The following ANGPT1 variants were observed in gnomAD, a reference collection of about 807,000 sequenced individuals.
ANGPT1 encodes the protein angiopoietin-1.
A neutral mutation model predicts 62.2 loss-of-function variants in ANGPT1; 17 were observed. That is an observed-to-expected ratio of 0.27 (90% CI 0.19 to 0.41). ANGPT1 has a LOEUF of 0.41. ANGPT1 is among the 10% of genes least tolerant of loss of function. ANGPT1 has a pLI of 1.00. For missense variants in ANGPT1, 478 were observed against 594.9 expected, an observed-to-expected ratio of 0.80 and a Z score of 2.04; for synonymous variants, 199 against 198.9, an observed-to-expected ratio of 1.00 and a Z score of 0.00.
At chr8:107,449,946 A>G (rs1316804133) in intron 1 of ANGPT1, among the ~76,000 whole-genome samples, 1 of 152,098 alleles carries the variant, frequency 6.6e-6, no homozygotes, top group Non-Finnish European at 1.5e-5. Context: ...TGTACTTACA[A>G]AGCTTAGAAG....
At chr8:107,423,347 T>C (rs973537723) in intron 1 of ANGPT1, among the ~76,000 whole-genome samples, 2 of 152,212 alleles carry the variant, frequency 1.3e-5, no homozygotes, top group African/African-American at 2.4e-5. Context: ...TGAGGACTTA[T>C]AGCTGTACCT....
chr8:107,416,695 T>G (rs1472556936), intron 1 of ANGPT1, among the ~76,000 whole-genome samples: 1 of 152,132 alleles, frequency 6.6e-6, no homozygotes, highest in African/African-American at 2.4e-5. Context: ...TCTGTTGAAG[T>G]TCTTCTTGGC....
chr8:107,284,638 G>A, intron 7 of ANGPT1, 44 bp downstream of exon 7: 1 of 1,351,560 alleles, frequency 7.4e-7, no homozygotes, highest in Non-Finnish European at 9.7e-7. Flanking sequence ...TTATTAAGTG[G>A]CTAGGTAAAA....
At chr8:107,286,200 T>G (rs1479327491) in intron 6 of ANGPT1, among the ~76,000 whole-genome samples, 1 of 152,168 alleles carries the variant, frequency 6.6e-6, no homozygotes, top group Non-Finnish European at 1.5e-5. Flanking sequence ...TCAAAGGTGT[T>G]TGGTACCAAA....
intron 1 of ANGPT1, among the ~76,000 whole-genome samples, chr8:107,373,699 G>C (rs2130251603): frequency 6.6e-6 from 1 of 152,296 alleles, no homozygotes; most frequent in African/African-American, 2.4e-5. Flanking sequence ...TAGCAAGTCT[G>C]ATGAACTGAA....
intron 1 of ANGPT1, among the ~76,000 whole-genome samples, chr8:107,475,612 G>A (rs966604568): frequency 8.5e-5 from 13 of 152,176 alleles, no homozygotes; most frequent in Admixed American, 7.9e-4. Flanking sequence ...AACAGCTTCT[G>A]CACAGCAAAA....
chr8:107,380,131 A>G (rs1035367387), intron 1 of ANGPT1, among the ~76,000 whole-genome samples: 1 of 109,964 alleles, frequency 9.1e-6, no homozygotes, highest in African/African-American at 3.1e-5. Context: ...AAAAATACAA[A>G]TAGAGGAAAA....
chr8:107,497,314 T>C lies in ANGPT1; in HGVS notation c.245A>G (p.Lys82Arg). The C allele has an allele frequency of 6.2e-7, 1 of 1,614,226 alleles. No homozygotes were observed. Among genetic ancestry groups the C allele is most frequent in the East Asian group, 2.2e-5 (1 of 44,890 alleles). The change falls in exon 1 of 9, where the codon AAA becomes AGA. Residue 82 changes from lysine (K) to arginine (R), a missense_variant. Lys to Arg is a conservative substitution (Grantham distance 26). This residue lies in a region of ANGPT1 where 343 missense variants were observed against 355.4 expected (regional missense o/e 0.97). Transcript: ENST00000517746. ...CATCACATGTTCCAGATGTTGAAGTTTCTGGGAAGAGAAATCCGGTTCCAC... is the reference window on the plus strand; with the variant it reads ...CATCACATGTTCCAGATGTTGAAGTCTCTGGGAAGAGAAATCCGGTTCCAC... Reference protein sequence around the residue: ...PHVEPDFSSQKLQHLEHVMEN... With the variant: ...PHVEPDFSSQRLQHLEHVMEN...
At chr8:107,283,943 A>G (rs1814076505) in intron 7 of ANGPT1, 1 of 152,252 alleles carries the variant, frequency 6.6e-6, no homozygotes, top group Non-Finnish European at 1.5e-5. Context: ...GTAGAATTCC[A>G]GGAACACAGA....
chr8:107,474,636 G>A (rs1037466335), intron 1 of ANGPT1, among the ~76,000 whole-genome samples: 4 of 152,186 alleles, frequency 2.6e-5, no homozygotes, highest in African/African-American at 7.2e-5. Flanking sequence ...GAAAAGAGAA[G>A]TCAAATTGTC....
chr8:107,495,438 G>A (rs901328863), intron 1 of ANGPT1, among the ~76,000 whole-genome samples: 43 of 152,184 alleles, frequency 2.8e-4, no homozygotes, highest in Non-Finnish European at 2.2e-4. Flanking sequence ...TATGAAACAC[G>A]TGCATGATTT....
At chr8:107,257,503 C>T (rs985354927) in intron 8 of ANGPT1, among the ~76,000 whole-genome samples, 1 of 152,170 alleles carries the variant, frequency 6.6e-6, no homozygotes, top group Non-Finnish European at 1.5e-5. Context: ...CAAAACACCT[C>T]TCAACACTTC....
At position 107,284,777 on chromosome 8, in the gene ANGPT1, C is replaced by G. The variant is rs200226727; in HGVS notation, c.1110G>C (p.Gln370His). ...CCATTAACTCAATTCTTAGCATGTA[C>G]TGCCTCTGACTGGTAATGGCAAAAA... Reference protein sequence around the residue: ...EFIFAITSQRQYMLRIELMDW... With the variant: ...EFIFAITSQRHYMLRIELMDW... The change falls in exon 7 of 9, where the codon CAG (glutamine) becomes CAC (histidine). Residue 370 changes from glutamine to histidine, a missense_variant. Transcript: ENST00000517746. 219 of 1,611,710 alleles carry G rather than the reference C, an allele frequency of 1.4e-4. 1 individual carries two copies. The Middle Eastern group carries it at 2.2e-3, about 16-fold the overall frequency.
chr8:107,404,787 A>G (rs1817115649), intron 1 of ANGPT1, among the ~76,000 whole-genome samples: 1 of 152,086 alleles, frequency 6.6e-6, no homozygotes, highest in Non-Finnish European at 1.5e-5. Flanking sequence ...CTCCAAAAAG[A>G]CTGTACCAAT....
intron 1 of ANGPT1, among the ~76,000 whole-genome samples, chr8:107,426,860 T>C (rs1440449271): frequency 6.6e-6 from 1 of 152,220 alleles, no homozygotes; most frequent in African/African-American, 2.4e-5. Flanking sequence ...CACTACTCTT[T>C]TTCAATATAG....
intron 1 of ANGPT1, among the ~76,000 whole-genome samples, chr8:107,456,838 C>T (rs986117053): frequency 6.6e-6 from 1 of 151,902 alleles, no homozygotes. Flanking sequence ...TCTTACTTTC[C>T]TAGGTACTTG....
chr8:107,275,541 G>T (rs1250234839), intron 7 of ANGPT1, among the ~76,000 whole-genome samples: 1 of 152,122 alleles, frequency 6.6e-6, no homozygotes, highest in Non-Finnish European at 1.5e-5. Context: ...GATTGTAAGT[G>T]AACTGACTGT....
At chr8:107,284,917 A>AT in intron 6 of ANGPT1, 69 bp from the exon 7 acceptor site, 1 of 1,174,942 alleles carries the variant, frequency 8.5e-7, no homozygotes. Flanking sequence ...GCATTTAACT[A>AT]TTTTCTAAAT....
At chr8:107,461,935 G>A (rs1812082398) in intron 1 of ANGPT1, among the ~76,000 whole-genome samples, 1 of 152,092 alleles carries the variant, frequency 6.6e-6, no homozygotes, top group African/African-American at 2.4e-5. Context: ...AGAAGTCCAG[G>A]AAGTGTCAGT....
Sources: gnomAD v4.1 joint callset for allele counts (sites outside exome capture counted in the v4.1 genomes callset) on GRCh38, gnomAD v4.1.1 for gene constraint, gnomAD v4.1.1 regional missense constraint, MANE v1.5 for transcripts, NCBI Gene and HGNC (gene_info 2026-07-23, HGNC 2026-07-21) for gene names.